Variants in HSD17B12 observed in about 807,000 individuals in gnomAD.
HSD17B12 encodes very-long-chain 3-oxoacyl-CoA reductase.
HSD17B12 carries 32 observed loss-of-function variants against 39.3 expected under a neutral mutation model. That is an observed-to-expected ratio of 0.81 (90% CI 0.61 to 1.09). The LOEUF is 1.09. Among genes scored for constraint, HSD17B12 ranks in the 50% least tolerant of loss-of-function variants. The pLI is 0.00. For missense variants in HSD17B12, 342 were observed against 382.9 expected (o/e 0.89, Z 0.89); for synonymous variants, 150 against 146.7 (o/e 1.02, Z -0.16).
At chr11:43,596,160 G>A in the HSD17B12 span, among the ~76,000 whole-genome samples, 2 of 152,080 alleles carry the variant, frequency 1.3e-5, no homozygotes, top group African/African-American at 2.4e-5. Flanking sequence ...CAAAGTCCCA[G>A]CATTACAGGA....
the HSD17B12 span, among the ~76,000 whole-genome samples, chr11:43,575,554 C>T: frequency 5.9e-5 from 9 of 152,242 alleles, no homozygotes; most frequent in African/African-American, 2.2e-4. The surrounding 1 kb of genome is among the most constrained non-coding windows in gnomAD (Gnocchi z 4.1). Flanking sequence ...CCCCGCTTGC[C>T]CGGTGCAGAC....
chr11:43,846,689 C>T (rs1344119972), intron 9 of HSD17B12, among the ~76,000 whole-genome samples: 3 of 152,084 alleles, frequency 2.0e-5, no homozygotes, highest in South Asian at 2.1e-4. Flanking sequence ...AAAGAGGAGT[C>T]CTGAAACTTG....
At chr11:43,691,778 A>G (rs1468114099) in intron 1 of HSD17B12, among the ~76,000 whole-genome samples, 6 of 152,126 alleles carry the variant, frequency 3.9e-5, no homozygotes, top group Admixed American at 3.9e-4. Flanking sequence ...TGCATCCTGG[A>G]TGACGTCCTG....
chr11:43,817,008 ATCTATATCTATATCTATATCTATATC>A (rs1554970291), intron 6 of HSD17B12, among the ~76,000 whole-genome samples: 2 of 22,272 alleles, frequency 9.0e-5, no homozygotes, highest in African/African-American at 2.4e-4. Context: ...CTATATCTAT[ATCTATATCTATATCTATATCTATATC>A]TATATCTATA....
chr11:43,821,734 G>A (rs528399865), intron 6 of HSD17B12, among the ~76,000 whole-genome samples: 35 of 152,214 alleles, frequency 2.3e-4, no homozygotes, highest in African/African-American at 8.4e-4. Flanking sequence ...TTTCAAACAG[G>A]GTGTACACTG....
At chr11:43,641,260 T>G in the HSD17B12 span, among the ~76,000 whole-genome samples, 1 of 151,752 alleles carries the variant, frequency 6.6e-6, no homozygotes, top group Non-Finnish European at 1.5e-5. Flanking sequence ...CCTTTTTTTT[T>G]GCACTTTCTC....
intron 1 of HSD17B12, among the ~76,000 whole-genome samples, chr11:43,734,744 G>A (rs1950301857): frequency 6.6e-6 from 1 of 152,174 alleles, no homozygotes; most frequent in African/African-American, 2.4e-5. Flanking sequence ...AAAAATGGGG[G>A]GGCAGGGTTA....
rs1475206606 is a variant in HSD17B12 at position 43,831,267 on chromosome 11, G to GA, written c.536+258dup. The GA allele has an allele frequency of 1.1e-5, 3 of 268,572 alleles. No individual in the cohort carries two copies. The highest frequency in any genetic ancestry group is 6.6e-5 in the African/African-American group (3 of 45,194). The allele number at this position is 268,572 out of a possible 1,614,324, so 16.6% of individuals were successfully genotyped here. On this transcript the variant is annotated intron_variant, in intron 7 of 10. Coordinates refer to ENST00000278353, the MANE Select transcript of HSD17B12 (RefSeq NM_016142.3). This position sits in a 1 kb window ranked among gnomAD's most constrained non-coding sequence, Gnocchi z 4.1. ...TAGATCAGGATGAAAAAGCCTGCCT[G>GA]AGTCACCATCACTAACTCAATTGCC...
At chr11:43,751,549 G>T (rs1368571661) in intron 2 of HSD17B12, among the ~76,000 whole-genome samples, 2 of 152,120 alleles carry the variant, frequency 1.3e-5, no homozygotes, top group East Asian at 3.9e-4. Flanking sequence ...AAGTGATCTG[G>T]AACAGTGGGG....
chr11:43,810,094 G>A (rs1213183072), intron 4 of HSD17B12, among the ~76,000 whole-genome samples: 1 of 152,010 alleles, frequency 6.6e-6, no homozygotes, highest in African/African-American at 2.4e-5. Context: ...TCTGTAGGGG[G>A]TTACCCGTAT....
intron 1 of HSD17B12, among the ~76,000 whole-genome samples, chr11:43,716,340 G>C (rs1407710247): frequency 1.3e-5 from 2 of 152,164 alleles, no homozygotes; most frequent in Non-Finnish European, 2.9e-5. Context: ...TTTTCTGAAT[G>C]TCCTTAAGTA....
rs772266794 is a variant in HSD17B12 at position 43,839,966 on chromosome 11, T to C, written c.619-33T>C. 6.6e-6 allele frequency: 10 copies of C among 1,522,674 alleles called. No individual in the cohort carries two copies. The South Asian group carries it at 1.1e-4, about 17-fold the overall frequency. 94.3% of individuals were successfully genotyped at this position (1,522,674 alleles called of 1,614,324 possible). A position where few individuals can be genotyped will look rare whatever the true frequency, so the allele number is the denominator to read the frequency against. On this transcript the variant is annotated intron_variant, in intron 8 of 10. Coordinates refer to ENST00000278353, the MANE Select transcript of HSD17B12 (RefSeq NM_016142.3). ...AAATCAGGCAGATTGATGTAATGTG[T>C]GTGTTTTCTTCTCACTCCCACTCCC...
the HSD17B12 span, chr11:43,644,859 T>G: frequency 1.3e-5 from 2 of 152,268 alleles, no homozygotes; most frequent in Admixed American, 1.3e-4. Flanking sequence ...TGTCAGGCAG[T>G]TCCTACTTGT....
intron 1 of HSD17B12, among the ~76,000 whole-genome samples, chr11:43,722,289 T>C (rs1049851611): frequency 6.6e-6 from 1 of 152,220 alleles, no homozygotes; most frequent in Non-Finnish European, 1.5e-5. Context: ...TTTATATGTG[T>C]TTTTTTCTTC....
At chr11:43,779,422 T>C (rs986692938) in intron 3 of HSD17B12, among the ~76,000 whole-genome samples, 2 of 152,246 alleles carry the variant, frequency 1.3e-5, no homozygotes, top group African/African-American at 4.8e-5. Context: ...ACTTACAACA[T>C]TGGTTTTATG....
chr11:43,810,392 TATATATATATA>T (rs1951060558), intron 4 of HSD17B12, among the ~76,000 whole-genome samples: 2 of 94,340 alleles, frequency 2.1e-5, no homozygotes, highest in Non-Finnish European at 2.3e-5. Context: ...TATATATATA[TATATATATATA>T]AAATTCAGAA....
chr11:43,660,091 C>T, the HSD17B12 span, among the ~76,000 whole-genome samples: 593 of 152,214 alleles, frequency 3.9e-3, 4 homozygotes, highest in African/African-American at 0.014. Flanking sequence ...ACTCCCTTGC[C>T]GTGCTAGTGG....
chr11:43,723,633 A>G (rs1311288348), intron 1 of HSD17B12, among the ~76,000 whole-genome samples: 1 of 152,236 alleles, frequency 6.6e-6, no homozygotes, highest in Non-Finnish European at 1.5e-5. Context: ...TATATAGAGA[A>G]CATAACTGAT....
chr11:43,678,004 C>T (rs1949705950), upstream of HSD17B12, among the ~76,000 whole-genome samples: 1 of 152,190 alleles, frequency 6.6e-6, no homozygotes, highest in South Asian at 2.1e-4. Flanking sequence ...TGAGGAATCA[C>T]CACACTGTCT....
Sources: allele counts gnomAD v4.1 joint callset (sites outside exome capture counted in the v4.1 genomes callset), GRCh38; gene constraint gnomAD v4.1.1; non-coding constraint Gnocchi (gnomAD v3.1); transcripts MANE v1.5; gene names NCBI Gene and HGNC (gene_info 2026-07-23, HGNC 2026-07-21).